EPRS1: variants seen among roughly 807,000 people sequenced by gnomAD.
EPRS1 encodes the protein glutamyl-prolyl-tRNA synthetase 1.
Under a neutral mutation model 188.3 loss-of-function variants are expected in EPRS1, and 107 were observed. That is an observed-to-expected ratio of 0.57 (90% confidence interval 0.49 to 0.67). EPRS1 has a LOEUF of 0.67. Ranked by LOEUF, EPRS1 falls within the 30% of genes least tolerant of loss-of-function variation. The pLI is 0.00. For missense variants in EPRS1, 1,577 were observed against 1,802.2 expected (o/e 0.88, Z 2.26); for synonymous variants, 596 against 593.1 (o/e 1.00, Z -0.07).
At chr1:220,042,492 A>T (rs1320058187) in intron 1 of EPRS1, among the ~76,000 whole-genome samples, 3 of 151,724 alleles carry the variant, frequency 2.0e-5, no homozygotes, top group Non-Finnish European at 2.9e-5. Flanking sequence ...CTCCCAAAAA[A>T]AAAAAAAGAA....
chr1:220,046,294 C>G (rs780894757), intron 1 of EPRS1, 49 bp downstream of exon 1: 1 of 1,611,874 alleles, frequency 6.2e-7, no homozygotes, highest in South Asian at 1.1e-5. Flanking sequence ...CGCCCTGCAC[C>G]CTCCCTGGCT....
chr1:220,025,996 T>C (rs1484918617), intron 6 of EPRS1, among the ~76,000 whole-genome samples: 2 of 152,166 alleles, frequency 1.3e-5, no homozygotes, highest in Non-Finnish European at 2.9e-5. Context: ...GGTTTCACCA[T>C]GTTGGCCAGG....
At chr1:220,042,799 T>A (rs986350317) in intron 1 of EPRS1, among the ~76,000 whole-genome samples, 17 of 151,900 alleles carry the variant, frequency 1.1e-4, no homozygotes, top group African/African-American at 3.6e-4. Context: ...CATGCGCCTA[T>A]AGTCCCAGCT....
At chr1:219,979,278 T>C in intron 27 of EPRS1, 140 bp downstream of exon 27, 2 of 624,910 alleles carry the variant, frequency 3.2e-6, no homozygotes, top group South Asian at 2.0e-5. Flanking sequence ...AACACTAGGG[T>C]CCAGACTGCA....
At position 219,983,277 on chromosome 1, in the gene EPRS1, A is replaced by G. The variant is rs774940249; in HGVS notation, c.3212T>C (p.Leu1071Pro). ...GGGGAAGTAGCAGTTTTCAACACCAAGTTTCTTGATCTCAGCATCAAAAAA... is the reference window on the plus strand; with the variant it reads ...GGGGAAGTAGCAGTTTTCAACACCAGGTTTCTTGATCTCAGCATCAAAAAA... ...KDFFDAEIKK[L>P]GVENCYFPMF... Residue 1071 changes from leucine (L) to proline (P), a missense_variant, in exon 22 of 32, where the codon CTT (leucine) becomes CCT (proline). Physicochemically the swap from Leu to Pro is moderately conservative, Grantham distance 98. This residue lies in a region of EPRS1 where 1,278 missense variants were observed against 1,457.4 expected (regional missense o/e 0.88). Coordinates refer to ENST00000366923, the MANE Select transcript of EPRS1 (RefSeq NM_004446.3). 6.2e-7 allele frequency: 1 copy of G among 1,614,134 alleles called. No homozygotes were observed. Among genetic ancestry groups the G allele is most frequent in the Non-Finnish European group, 8.5e-7 (1 of 1,179,964 alleles).
intron 23 of EPRS1, 138 bp downstream of exon 23, chr1:219,982,634 A>G: frequency 1.5e-6 from 1 of 653,560 alleles, no homozygotes; most frequent in Non-Finnish European, 2.7e-6. Context: ...GTTTGCATTC[A>G]ATCTTCATCA....
chr1:220,011,365 G>C (rs1017974347), intron 12 of EPRS1, among the ~76,000 whole-genome samples: 1 of 152,118 alleles, frequency 6.6e-6, no homozygotes, highest in African/African-American at 2.4e-5. Context: ...TAGAAGGCAA[G>C]GAAAAGTTTT....
chr1:220,017,810 T>C (rs1016146801), intron 12 of EPRS1, among the ~76,000 whole-genome samples: 1 of 150,524 alleles, frequency 6.6e-6, no homozygotes, highest in Non-Finnish European at 1.5e-5. Flanking sequence ...AAAAAAAAGC[T>C]GGATTCAGTA....
Position 220,001,178 on chromosome 1 carries a change from C to G in EPRS1, c.2141G>C (p.Gly714Ala). ...DGHTKEMPTS[G>A]SKEKTKVEAT... is the part of the protein sequence containing the mutation. ...TTCTACTTTGGTCTTTTCCTTTGAC[C>G]CTGATGTTGGCATTTCCTTTGTGTG... is the stretch of plus-strand genomic sequence containing the variant. The change falls in exon 17 of 32, where the codon GGG becomes GCG. Residue 714 changes from glycine (G) to alanine (A), a missense_variant. Coordinates refer to ENST00000366923, the MANE Select transcript of EPRS1 (RefSeq NM_004446.3). 1.2e-6 allele frequency: 2 copies of G among 1,613,718 alleles called. No individual in the cohort carries two copies. Among genetic ancestry groups the G allele is most frequent in the Non-Finnish European group, 1.7e-6 (2 of 1,179,784 alleles).
At chr1:220,026,553 C>T (rs1043602829) in intron 6 of EPRS1, among the ~76,000 whole-genome samples, 12 of 150,778 alleles carry the variant, frequency 8.0e-5, no homozygotes, top group Non-Finnish European at 3.0e-5. Flanking sequence ...TTTTTTGAGA[C>T]GGACTCTCGC....
chr1:220,023,511 A>G (rs569616498), intron 8 of EPRS1, among the ~76,000 whole-genome samples: 9 of 152,346 alleles, frequency 5.9e-5, no homozygotes, highest in African/African-American at 2.2e-4. Context: ...AATAAGAAAG[A>G]TATGCTCTTC....
chr1:220,022,125 T>C (rs551760018), intron 9 of EPRS1, among the ~76,000 whole-genome samples: 9 of 152,296 alleles, frequency 5.9e-5, no homozygotes, highest in African/African-American at 1.4e-4. Flanking sequence ...AGGACTTTCA[T>C]AGATGGAAGT....
At chr1:220,043,677 G>A (rs970918645) in intron 1 of EPRS1, among the ~76,000 whole-genome samples, 13 of 152,096 alleles carry the variant, frequency 8.5e-5, no homozygotes, top group Non-Finnish European at 1.5e-4. Context: ...GAATAACTAC[G>A]CTATTCCTGC....
In EPRS1 at chr1:220,018,474, T is replaced by C; in HGVS notation, c.1469A>G (p.Asp490Gly). 1 of 1,612,070 alleles carries C rather than the reference T, an allele frequency of 6.2e-7. No individual in the cohort carries two copies. The highest frequency in any genetic ancestry group is 8.5e-7 in the Non-Finnish European group (1 of 1,179,190). The change falls in exon 12 of 32, where the codon GAC (aspartate) becomes GGC (glycine). Residue 490 changes from aspartate to glycine, a missense_variant. Transcript: ENST00000366923. ...SSRSVVNMEW[D>G]KIWAFNKKVI... ...CTTTTTGTTAAACGCCCAGATTTTG[T>C]CCCACTCCATGTTCACGACTGAACG...
In EPRS1 at chr1:220,040,288, G is replaced by T. The variant is rs528364883; in HGVS notation, c.47-19C>A. The T allele has an allele frequency of 2.0e-5, 30 of 1,494,546 alleles. No homozygotes were observed. Among genetic ancestry groups the T allele is most frequent in the Admixed American group, 1.8e-4 (10 of 55,336 alleles). 92.6% of individuals were successfully genotyped at this position (1,494,546 alleles called of 1,614,324 possible). On this transcript the variant is annotated intron_variant, in intron 1 of 31. Coordinates refer to ENST00000366923, the MANE Select transcript of EPRS1 (RefSeq NM_004446.3). ...AAAGCTCCTATAAATAATATGAAAA[G>T]ATTTTTTATCTTTAAAAGCAATGCA...
intron 18 of EPRS1, among the ~76,000 whole-genome samples, chr1:219,992,400 T>C (rs1661140529): frequency 6.6e-6 from 1 of 152,248 alleles, no homozygotes; most frequent in South Asian, 2.1e-4. Context: ...TGAATTATTT[T>C]TATTTAATAA....
intron 10 of EPRS1, 134 bp downstream of exon 10, chr1:220,019,854 A>G: frequency 6.4e-6 from 4 of 628,068 alleles, no homozygotes; most frequent in Admixed American, 3.0e-5. Flanking sequence ...TGAGAAGAAG[A>G]TAAGAATCAG....
At chr1:219,996,022 T>C (rs1661224973) in intron 18 of EPRS1, among the ~76,000 whole-genome samples, 1 of 152,196 alleles carries the variant, frequency 6.6e-6, no homozygotes, top group Non-Finnish European at 1.5e-5. Flanking sequence ...AGGGGCTGAA[T>C]TGTTTTTCGT....
intron 18 of EPRS1, among the ~76,000 whole-genome samples, chr1:219,990,092 CTTA>C (rs903566329): frequency 6.8e-6 from 1 of 147,722 alleles, no homozygotes; most frequent in African/African-American, 2.5e-5. Flanking sequence ...TTCATTAGAG[CTTA>C]AAGTCAGATG....
Sources: gnomAD v4.1 joint callset for allele counts (sites outside exome capture counted in the v4.1 genomes callset) on GRCh38, gnomAD v4.1.1 for gene constraint, gnomAD v4.1.1 regional missense constraint, MANE v1.5 for transcripts, NCBI Gene and HGNC (gene_info 2026-07-23, HGNC 2026-07-21) for gene names.